KATNB1: variants seen among roughly 807,000 people sequenced by gnomAD.
KATNB1 encodes katanin p80 WD40 repeat-containing subunit B1.
Under a neutral mutation model 82.3 loss-of-function variants are expected in KATNB1, and 38 were observed. That is an observed-to-expected ratio of 0.46 (90% CI 0.36 to 0.61). The LOEUF is 0.61. Among genes scored for constraint, KATNB1 ranks in the 20% least tolerant of loss-of-function variants. The probability of loss-of-function intolerance (pLI) is 0.00; values close to 1 mark genes in which losing one functional copy is unlikely to be tolerated. For missense variants in KATNB1, 749 were observed against 915.7 expected (o/e 0.82, Z 2.35); for synonymous variants, 361 against 368.7 (o/e 0.98, Z 0.24).
intron 2 of KATNB1, among the ~76,000 whole-genome samples, chr16:57,737,527 T>A (rs1182915848): frequency 6.6e-6 from 1 of 152,216 alleles, no homozygotes; most frequent in Non-Finnish European, 1.5e-5. Flanking sequence ...ACGCCTGCAT[T>A]CTATGGTTGC....
chr16:57,737,386 G>A (rs1484979386), intron 2 of KATNB1, 103 bp downstream of exon 2: 3 of 1,293,408 alleles, frequency 2.3e-6, no homozygotes, highest in Non-Finnish European at 3.3e-6. Flanking sequence ...TGGCACAGGA[G>A]GAGACTCCTA....
At chr16:57,753,849 G>C in intron 12 of KATNB1, 96 bp from the exon 13 acceptor site, 1 of 1,169,404 alleles carries the variant, frequency 8.6e-7, no homozygotes, top group Non-Finnish European at 1.2e-6. Context: ...CGCATGCCTG[G>C]GAGCTACCCT....
chr16:57,754,120 C>A, intron 13 of KATNB1, 125 bp downstream of exon 13: 1 of 789,636 alleles, frequency 1.3e-6, no homozygotes, highest in Non-Finnish European at 2.1e-6. Flanking sequence ...CGACCCACAC[C>A]CTCTCCCGCT....
In KATNB1 at chr16:57,753,949, G is replaced by A. The variant is rs2049252746; in HGVS notation, c.1182G>A (p.Arg394=). The stretch of plus-strand genomic sequence containing the variant: ...AGGGGCCTCTTTCCTCTGCAGGTCG[G>A]ACGCCACCCCGGAGAAGTGAGCCCT... ...EIFQPKNSIS[R]TPPRRSEPFP... Residue 394 remains arginine, a synonymous_variant, in exon 13 of 20, where the codon CGG becomes CGA. Coordinates refer to ENST00000379661, the MANE Select transcript of KATNB1 (RefSeq NM_005886.3). 2 of 1,613,386 alleles carry A rather than the reference G, an allele frequency of 1.2e-6. No homozygotes were observed. Among genetic ancestry groups the A allele is most frequent in the African/African-American group, 1.3e-5 (1 of 74,886 alleles).
chr16:57,755,310 T>C lies in KATNB1; in HGVS notation c.1417-35T>C, dbSNP rs781984116. On this transcript the variant is annotated intron_variant, in intron 15 of 19. Coordinates refer to ENST00000379661, the MANE Select transcript of KATNB1 (RefSeq NM_005886.3). ...AGGGCAGAGCTTTGCTGCTGGCTCC[T>C]CCCATGCCAGCATCTGGGTGTCCAT... is the stretch of plus-strand genomic sequence containing the variant. The C allele has an allele frequency of 5.6e-6, 9 of 1,611,474 alleles. No individual in the cohort carries two copies. In the Admixed American group the frequency reaches 1.5e-4, roughly 27 times the overall value.
intron 8 of KATNB1, 72 bp from the exon 9 acceptor site, chr16:57,752,458 C>T: frequency 7.3e-7 from 1 of 1,379,070 alleles, no homozygotes; most frequent in Non-Finnish European, 1.0e-6. Context: ...TAGAGAAAAG[C>T]TGGCTTCCCA....
chr16:57,741,016 G>A (rs941579886), intron 2 of KATNB1, among the ~76,000 whole-genome samples: 5 of 152,328 alleles, frequency 3.3e-5, no homozygotes, highest in South Asian at 4.1e-4. Context: ...CTTTCCAGAC[G>A]AGGAGCCAGG....
rs1555583529 is a variant in KATNB1 at position 57,752,261 on chromosome 16, G to A, written c.632+206G>A. ...TGGTTCCCTGGCCCCAGTGTCCCAGGTCTGTGGCTTCATGGGCAGGTTGGG... is the reference window on the plus strand; with the variant it reads ...TGGTTCCCTGGCCCCAGTGTCCCAGATCTGTGGCTTCATGGGCAGGTTGGG... On this transcript the variant is annotated intron_variant, in intron 8 of 19. Coordinates refer to ENST00000379661, the MANE Select transcript of KATNB1 (RefSeq NM_005886.3). 7 of 632,220 alleles carry A rather than the reference G, an allele frequency of 1.1e-5. No individual in the cohort carries two copies. The East Asian group carries it at 1.4e-4, about 12-fold the overall frequency. The allele number at this position is 632,220 out of a possible 1,614,324, so 39.2% of individuals were successfully genotyped here.
intron 3 of KATNB1, among the ~76,000 whole-genome samples, chr16:57,742,212 C>T (rs1486386093): frequency 2.0e-5 from 3 of 152,250 alleles, no homozygotes; most frequent in Non-Finnish European, 4.4e-5. Flanking sequence ...AACATGTGGG[C>T]GTTTATTTTA....
At position 57,737,036 on chromosome 16, in the gene KATNB1, A is replaced by G. The variant is rs749084125; in HGVS notation, c.-208A>G. 8.5e-6 allele frequency: 6 copies of G among 704,908 alleles called. No individual in the cohort carries two copies. In the South Asian group the frequency reaches 9.0e-5, roughly 11 times the overall value. The allele number at this position is 704,908 out of a possible 1,614,324, so 43.7% of individuals were successfully genotyped here. A position where few individuals can be genotyped will look rare whatever the true frequency, so the allele number is the denominator to read the frequency against. Reference sequence around the variant, plus strand: ...ATTCCATGATCCAGGATCGTGACAGATGTGCACAGGCTGCTGCTGTTGCTG... The same window carrying G: ...ATTCCATGATCCAGGATCGTGACAGGTGTGCACAGGCTGCTGCTGTTGCTG... On this transcript the variant is annotated 5_prime_UTR_variant, in exon 2 of 20. The change abolishes an upstream ATG in the 5' untranslated region. Transcript: ENST00000379661.
Position 57,753,093 on chromosome 16 carries a change from C to A in KATNB1, c.872C>A (p.Ser291Tyr). Residue 291 changes from serine (S) to tyrosine (Y), a missense_variant, in exon 11 of 20, where the codon TCC becomes TAC. Physicochemically the swap from Ser to Tyr is moderately radical, Grantham distance 144. This residue lies in a region of KATNB1 where 407 missense variants were observed against 434.7 expected (regional missense o/e 0.94). Transcript: ENST00000379661. ...CNDQLIGVAF[S>Y]QSNVSSYVVD... is the part of the protein sequence containing the mutation. Reference sequence around the variant, plus strand: ...TTTCTGCAGATAGGTGTGGCCTTCTCCCAGAGCAACGTCTCCTCCTACGTG... The same window carrying A: ...TTTCTGCAGATAGGTGTGGCCTTCTACCAGAGCAACGTCTCCTCCTACGTG... The A allele has an allele frequency of 6.2e-7, 1 of 1,604,896 alleles. No homozygotes were observed. Among genetic ancestry groups the A allele is most frequent in the Non-Finnish European group, 8.5e-7 (1 of 1,175,536 alleles).
chr16:57,755,349 T>G lies in KATNB1; in HGVS notation c.1421T>G (p.Val474Gly). Residue 474 changes from valine to glycine, a missense_variant, in exon 16 of 20, where the codon GTG (valine) becomes GGG (glycine). By Grantham distance (109) the Val-to-Gly change is moderately radical. Transcript: ENST00000379661. ...CTGGGTGTCCATCCCACGCAGGCCG[T>G]GAAGATCCCCCAGCAGGCCGAGCTG... ...GLKASDFLPA[V>G]KIPQQAELVD... 6.2e-7 allele frequency: 1 copy of G among 1,613,052 alleles called. No individual in the cohort carries two copies. Among genetic ancestry groups the G allele is most frequent in the Middle Eastern group, 1.6e-4 (1 of 6,062 alleles).
At chr16:57,750,993 C>T in intron 5 of KATNB1, 66 bp downstream of exon 5, 1 of 1,338,878 alleles carries the variant, frequency 7.5e-7, no homozygotes. Flanking sequence ...CGGCCCGGCC[C>T]TCAGTGCTGG....
chr16:57,755,140 C>G lies in KATNB1; in HGVS notation c.1318C>G (p.Pro440Ala). Residue 440 changes from proline to alanine, a missense_variant, in exon 15 of 20, where the codon CCA becomes GCA. Physicochemically the swap from Pro to Ala is conservative, Grantham distance 27 (BLOSUM62 -1). Around this residue, in one of 3 missense-constraint regions of KATNB1, gnomAD observed 407 missense variants for 434.7 expected, o/e 0.94. Coordinates refer to ENST00000379661, the MANE Select transcript of KATNB1 (RefSeq NM_005886.3). ...TCAGCTGGAGGTCCTGCCCCGGCCC[C>G]CAGTGGTTGCTTCCACACCTGCACC... is the stretch of plus-strand genomic sequence containing the variant. ...VPNLEVLPRPPVVASTPAPKA... is the reference protein window; with the variant it reads ...VPNLEVLPRPAVVASTPAPKA... 6.2e-7 allele frequency: 1 copy of G among 1,612,796 alleles called. No homozygotes were observed. The highest frequency in any genetic ancestry group is 1.1e-5 in the South Asian group (1 of 91,088).
chr16:57,736,814 G>A (rs1039797574), intron 1 of KATNB1, 164 bp from the exon 2 acceptor site: 1 of 377,040 alleles, frequency 2.7e-6, no homozygotes, highest in South Asian at 2.1e-5. Context: ...CACCCTACCT[G>A]AGGTGCCCCC....
At position 57,750,864 on chromosome 16, in the gene KATNB1, C is replaced by T. The variant is rs782120852; in HGVS notation, c.327C>T (p.Cys109=). 4 of 1,614,200 alleles carry T rather than the reference C, an allele frequency of 2.5e-6. No homozygotes were observed. The South Asian group carries it at 3.3e-5, about 13-fold the overall frequency. Reference sequence around the variant, plus strand: ...TCATGGGACACAAAGCCAACATCTGCAGCCTGGATTTCCACCCGTACGGCG... The same window carrying T: ...TCATGGGACACAAAGCCAACATCTGTAGCCTGGATTTCCACCCGTACGGCG... ...RTLMGHKANI[C]SLDFHPYGEF... is the part of the protein sequence containing the mutation. The change falls in exon 5 of 20, where the codon TGC becomes TGT. Residue 109 remains cysteine, a synonymous_variant. Transcript: ENST00000379661.
At chr16:57,742,325 C>CTA (rs1412754855) in intron 3 of KATNB1, among the ~76,000 whole-genome samples, 3 of 152,234 alleles carry the variant, frequency 2.0e-5, no homozygotes, top group Non-Finnish European at 4.4e-5. Flanking sequence ...ATTTATGCAG[C>CTA]TATATGTTCA....
intron 3 of KATNB1, 117 bp downstream of exon 3, chr16:57,741,934 A>G (rs987826996): frequency 1.6e-6 from 2 of 1,224,732 alleles, no homozygotes; most frequent in Non-Finnish European, 2.3e-6. Flanking sequence ...AGGGCCCCCT[A>G]TCCGCTGGGG....
intron 18 of KATNB1, 30 bp from the exon 19 acceptor site, chr16:57,756,326 A>C (rs1567904465): frequency 1.9e-6 from 3 of 1,585,358 alleles, no homozygotes; most frequent in Non-Finnish European, 2.6e-6. Context: ...CCCTTGGTCC[A>C]TCTGTGACTT....
Sources: gnomAD v4.1 joint callset for allele counts (sites outside exome capture counted in the v4.1 genomes callset) on GRCh38, gnomAD v4.1.1 for gene constraint, gnomAD v4.1.1 regional missense constraint, MANE v1.5 for transcripts, NCBI Gene and HGNC (gene_info 2026-07-23, HGNC 2026-07-21) for gene names.